CDH13: variants seen among roughly 807,000 people sequenced by gnomAD.
The protein encoded by CDH13 is cadherin 13.
CDH13 carries 24 observed loss-of-function variants against 63.8 expected under a neutral mutation model. That is an observed-to-expected ratio of 0.38 (90% confidence interval 0.27 to 0.53). The LOEUF (loss-of-function observed/expected upper bound fraction) is 0.53. CDH13 is among the 20% of genes least tolerant of loss of function. The probability of loss-of-function intolerance (pLI) is 0.85; values close to 1 mark genes in which losing one functional copy is unlikely to be tolerated. For synonymous variants in CDH13, 503 were observed against 355.3 expected (o/e 1.42, Z -4.67); for missense variants, 1,049 against 903.1 (o/e 1.16, Z -2.07).
intron 11 of CDH13, among the ~76,000 whole-genome samples, chr16:83,757,670 G>C (rs1334382931): frequency 6.6e-6 from 1 of 151,268 alleles, no homozygotes. Flanking sequence ...GAAACTGTTG[G>C]GCAAAAAAAG....
chr16:82,663,347 C>G (rs566114806), intron 1 of CDH13, among the ~76,000 whole-genome samples: 1 of 152,052 alleles, frequency 6.6e-6, no homozygotes, highest in Non-Finnish European at 1.5e-5. Flanking sequence ...GCACCAGGCC[C>G]GGCTAATTTT....
chr16:83,050,694 A>G (rs916767615), intron 3 of CDH13, among the ~76,000 whole-genome samples: 5 of 151,986 alleles, frequency 3.3e-5, no homozygotes, highest in African/African-American at 1.2e-4. Flanking sequence ...CATCGTGTCT[A>G]CAGCGCATCT....
intron 6 of CDH13, among the ~76,000 whole-genome samples, chr16:83,384,520 C>T (rs745546987): frequency 1.6e-4 from 24 of 152,160 alleles, no homozygotes; most frequent in Non-Finnish European, 3.1e-4. Flanking sequence ...CTTGAGCTGC[C>T]CCAAGGGCAT....
At position 83,515,684 on chromosome 16, in the gene CDH13, T is replaced by C. The variant is rs375761364; in HGVS notation, c.960+29029T>C. ...CAGAGATGTTACCAAAATATGAGAA[T>C]CAAGTTTTTTATAAGCAGGACAAAA... is the stretch of plus-strand genomic sequence containing the variant. On this transcript the variant is annotated intron_variant, in intron 7 of 13. Coordinates refer to ENST00000567109, the MANE Select transcript of CDH13 (RefSeq NM_001257.5). Among the ~76,000 whole-genome samples the C allele has an allele frequency of 3.3e-4, 51 of 152,316 alleles. No homozygotes were observed. The East Asian group carries it at 6.7e-3, about 20-fold the overall frequency.
intron 10 of CDH13, among the ~76,000 whole-genome samples, chr16:83,724,183 A>T: frequency 8.3e-6 from 1 of 120,954 alleles, no homozygotes; most frequent in Non-Finnish European, 2.0e-5. Context: ...TGAGTGATAA[A>T]TGCATGGGTG....
intron 1 of CDH13, among the ~76,000 whole-genome samples, chr16:82,750,106 T>A (rs568459888): frequency 7.2e-5 from 11 of 152,238 alleles, no homozygotes; most frequent in African/African-American, 2.6e-4. Context: ...TGTGTGTGAT[T>A]CCTGGAGGAC....
Position 83,798,785 on chromosome 16 carries a change from T to G in CDH13, c.*3755T>G, listed in dbSNP as rs1406050169. 1 of 152,192 alleles carries G rather than the reference T, an allele frequency of 6.6e-6. No homozygotes were observed. Among genetic ancestry groups the G allele is most frequent in the Non-Finnish European group, 1.5e-5 (1 of 68,040 alleles). The allele number at this position is 152,192 out of a possible 1,614,324, so 9.4% of individuals were successfully genotyped here. A position where few individuals can be genotyped will look rare whatever the true frequency, so the allele number is the denominator to read the frequency against. ...CCTTTTACTATGAGGTACCCTTTAC[T>G]ATTAAGTACCTTTTACTAACAGTAT... On this transcript the variant is annotated 3_prime_UTR_variant, in exon 14 of 14. Transcript: ENST00000567109.
chr16:82,774,263 G>A (rs2035390352), intron 1 of CDH13, among the ~76,000 whole-genome samples: 1 of 151,876 alleles, frequency 6.6e-6, no homozygotes, highest in South Asian at 2.1e-4. Context: ...AGGCTCTGGT[G>A]TCATACTGCC....
At position 82,899,915 on chromosome 16, in the gene CDH13, G is replaced by A. The variant is rs530803568; in HGVS notation, c.157+41442G>A. Among the ~76,000 whole-genome samples the A allele has an allele frequency of 5.3e-5, 8 of 152,322 alleles. No homozygotes were observed. In the South Asian group the frequency reaches 1.0e-3, roughly 20 times the overall value. On this transcript the variant is annotated intron_variant, in intron 2 of 13. Transcript: ENST00000567109. ...CATTCAGGATAGTGAGCATGTGCAAGTGATTACGAGGGCAGAGCAGTTGCC... is the reference window on the plus strand; with the variant it reads ...CATTCAGGATAGTGAGCATGTGCAAATGATTACGAGGGCAGAGCAGTTGCC...
intron 1 of CDH13, among the ~76,000 whole-genome samples, chr16:82,820,228 C>T (rs1241289765): frequency 6.6e-6 from 1 of 152,070 alleles, no homozygotes; most frequent in Non-Finnish European, 1.5e-5. Flanking sequence ...ATGAAATAGT[C>T]AATAGTGAAT....
intron 2 of CDH13, among the ~76,000 whole-genome samples, chr16:82,977,705 C>T (rs1240998471): frequency 6.6e-6 from 1 of 152,160 alleles, no homozygotes; most frequent in East Asian, 1.9e-4. Flanking sequence ...TGGACTAATA[C>T]AGCAAATTGG....
chr16:83,309,133 G>T (rs113398299), intron 5 of CDH13, among the ~76,000 whole-genome samples: 4,366 of 152,196 alleles, frequency 0.029, 89 homozygotes, highest in Non-Finnish European at 0.044. Flanking sequence ...TGTTTCTTCT[G>T]CATGTACATG....
rs77180182 is a variant in CDH13, at chr16:83,200,899, G to A, written c.484-16446G>A. On this transcript the variant is annotated intron_variant, in intron 4 of 13. Transcript: ENST00000567109. ...CCATGAGCCTGTTAATTTTCAGGGA[G>A]CAAGATTCTCTAGTCTTAAAAATGT... 2.9e-3 allele frequency among the ~76,000 whole-genome samples: 441 copies of A among 151,232 alleles called. 3 individuals carry two copies. Among genetic ancestry groups the A allele is most frequent in the African/African-American group, 1.0e-2 (410 of 41,108 alleles).
At position 82,896,276 on chromosome 16, in the gene CDH13, A is replaced by AT. The variant is rs59677448; in HGVS notation, c.157+37836dup. On this transcript the variant is annotated intron_variant, in intron 2 of 13. Transcript: ENST00000567109. ...GAGTCTTCTGAGAACTAGGATTAGG[A>AT]TTTTTTTTTTTTTTTTTTTTTTTTT... Among the ~76,000 whole-genome samples the AT allele has an allele frequency of 3.9e-3, 342 of 87,774 alleles. 22 individuals carry two copies. Among genetic ancestry groups the AT allele is most frequent in the East Asian group, 0.016 (23 of 1,424 alleles). The allele number at this position is 87,774 out of a possible 152,430, so 57.6% of individuals were successfully genotyped here.
intron 5 of CDH13, among the ~76,000 whole-genome samples, chr16:83,319,873 C>G (rs1273821075): frequency 6.6e-6 from 1 of 152,158 alleles, no homozygotes; most frequent in Non-Finnish European, 1.5e-5. Context: ...AGTTCTTCAC[C>G]TGCTCGTTCA....
intron 7 of CDH13, among the ~76,000 whole-genome samples, chr16:83,550,518 G>A (rs984991910): frequency 5.9e-5 from 9 of 152,224 alleles, no homozygotes; most frequent in African/African-American, 1.4e-4. Context: ...CAGTTAATCC[G>A]ATGGCAAATT....
intron 7 of CDH13, among the ~76,000 whole-genome samples, chr16:83,576,131 C>G (rs763244423): frequency 2.6e-5 from 4 of 152,196 alleles, no homozygotes; most frequent in African/African-American, 9.6e-5. Context: ...CAAAAGGAAA[C>G]TCCAGAGCCA....
chr16:82,684,787 G>A (rs1334140386), intron 1 of CDH13, among the ~76,000 whole-genome samples: 3 of 152,184 alleles, frequency 2.0e-5, no homozygotes, highest in Non-Finnish European at 4.4e-5. Flanking sequence ...TGACTTGCAG[G>A]CATAGCCTGA....
chr16:82,811,748 T>G (rs1379931290), intron 1 of CDH13, among the ~76,000 whole-genome samples: 1 of 152,020 alleles, frequency 6.6e-6, no homozygotes, highest in African/African-American at 2.4e-5. Context: ...TTGGAAATGG[T>G]TAGTAGATAA....
Sources: gnomAD v4.1 joint callset for allele counts (sites outside exome capture counted in the v4.1 genomes callset) on GRCh38, gnomAD v4.1.1 for gene constraint, MANE v1.5 for transcripts, NCBI Gene and HGNC (gene_info 2026-07-23, HGNC 2026-07-21) for gene names.